The following MAP3K5 variants were observed in gnomAD, a reference collection of about 807,000 sequenced individuals.
The protein encoded by MAP3K5 is mitogen-activated protein kinase kinase kinase 5.
MAP3K5 carries 56 observed loss-of-function variants against 158.7 expected under a neutral mutation model. The ratio of observed to expected loss-of-function variants is 0.35; its 90% CI spans 0.28 to 0.44. The LOEUF (loss-of-function observed/expected upper bound fraction) is 0.44, where lower values mean the gene tolerates loss of function less well. Ranked by LOEUF, MAP3K5 falls within the 20% of genes least tolerant of loss-of-function variation. The pLI is 1.00. For missense variants in MAP3K5, 1,294 were observed against 1,674.8 expected, an observed-to-expected ratio of 0.77 and a Z score of 3.97; for synonymous variants, 579 against 601.7, an observed-to-expected ratio of 0.96 and a Z score of 0.55.
chr6:136,668,981 T>C (rs1169664899), intron 8 of MAP3K5, among the ~76,000 whole-genome samples: 1 of 152,202 alleles, frequency 6.6e-6, no homozygotes, highest in Non-Finnish European at 1.5e-5. Context: ...ACAGTAACCT[T>C]ATTTAGGAGT....
intron 11 of MAP3K5, among the ~76,000 whole-genome samples, chr6:136,644,324 A>G (rs1283736933): frequency 6.6e-6 from 1 of 152,212 alleles, no homozygotes; most frequent in East Asian, 1.9e-4. Flanking sequence ...CCTGTAGGAC[A>G]CACCACAAGG....
At chr6:136,683,360 C>T (rs1044605994) in intron 7 of MAP3K5, among the ~76,000 whole-genome samples, 3 of 152,206 alleles carry the variant, frequency 2.0e-5, no homozygotes, top group Admixed American at 1.3e-4. Context: ...CAGTTCCCCT[C>T]GACACTGGTG....
intron 1 of MAP3K5, among the ~76,000 whole-genome samples, chr6:136,764,666 A>G (rs146499252): frequency 6.6e-6 from 1 of 152,348 alleles, no homozygotes; most frequent in Non-Finnish European, 1.5e-5. Context: ...TTATGCCGCA[A>G]CAGAAAAATG....
At chr6:136,685,420 G>C (rs1442763231) in intron 7 of MAP3K5, among the ~76,000 whole-genome samples, 1 of 152,112 alleles carries the variant, frequency 6.6e-6, no homozygotes, top group Non-Finnish European at 1.5e-5. Context: ...TCACATTAGA[G>C]ACTCTCTGTA....
At chr6:136,637,447 A>G (rs765953664) in intron 13 of MAP3K5, 41 bp from the exon 14 acceptor site, 11 of 1,125,408 alleles carry the variant, frequency 9.8e-6, no homozygotes, top group African/African-American at 1.5e-5. Context: ...TAACACAAAC[A>G]ATAGTAAATA....
At chr6:136,694,992 G>GAAATGTC (rs1399903244) in intron 6 of MAP3K5, among the ~76,000 whole-genome samples, 9 of 152,112 alleles carry the variant, frequency 5.9e-5, no homozygotes, top group Non-Finnish European at 8.8e-5. Context: ...TCCAGAATAG[G>GAAATGTC]CAAATCTGTA....
chr6:136,766,111 T>G (rs1323351686), intron 1 of MAP3K5, among the ~76,000 whole-genome samples: 3 of 152,156 alleles, frequency 2.0e-5, no homozygotes, highest in Admixed American at 6.5e-5. Context: ...TGGTACAGCA[T>G]AAAACCATGG....
At chr6:136,599,848 T>C (rs1775798221) in intron 21 of MAP3K5, among the ~76,000 whole-genome samples, 3 of 152,128 alleles carry the variant, frequency 2.0e-5, no homozygotes, top group Non-Finnish European at 2.9e-5. Context: ...GGTCAGAAGG[T>C]TGCCAAGCAC....
chr6:136,686,895 A>G (rs1471305483), intron 7 of MAP3K5, among the ~76,000 whole-genome samples: 1 of 152,220 alleles, frequency 6.6e-6, no homozygotes, highest in East Asian at 1.9e-4. Context: ...GCTACCATTG[A>G]CATTCTTCAC....
intron 1 of MAP3K5, among the ~76,000 whole-genome samples, chr6:136,743,929 C>T (rs1782822614): frequency 6.6e-6 from 1 of 152,156 alleles, no homozygotes; most frequent in Middle Eastern, 3.4e-3. Flanking sequence ...GTGAAAGAAG[C>T]CAGTATGAAA....
Position 136,714,601 on chromosome 6 carries a change from T to A in MAP3K5, c.588+5849A>T, listed in dbSNP as rs533171659. ...ATACCACATGTTGTTCAGCCAATGATCTGTTGATAAATATGTGGGTTGCTT... is the reference window on the plus strand; with the variant it reads ...ATACCACATGTTGTTCAGCCAATGAACTGTTGATAAATATGTGGGTTGCTT... On this transcript the variant is annotated intron_variant, in intron 2 of 29. Coordinates refer to ENST00000359015, the MANE Select transcript of MAP3K5 (RefSeq NM_005923.4). Among the ~76,000 whole-genome samples, 453 of 152,252 alleles carry A rather than the reference T, an allele frequency of 3.0e-3. 5 individuals carry two copies. The highest frequency in any genetic ancestry group is 0.01 in the African/African-American group (429 of 41,560).
intron 2 of MAP3K5, among the ~76,000 whole-genome samples, chr6:136,716,059 A>AAAAAAAAAAAAAAAAT (rs1781512369): frequency 6.9e-6 from 1 of 144,250 alleles, no homozygotes; most frequent in Non-Finnish European, 1.5e-5. Flanking sequence ...AAAAAAAAAA[A>AAAAAAAAAAAAAAAAT]AAAAAAATTA....
intron 25 of MAP3K5, among the ~76,000 whole-genome samples, chr6:136,578,510 C>T (rs1774720164): frequency 6.6e-6 from 1 of 151,832 alleles, no homozygotes; most frequent in Non-Finnish European, 1.5e-5. Flanking sequence ...TGTGGCATCA[C>T]AAATAGGTGA....
intron 29 of MAP3K5, 107 bp downstream of exon 29, chr6:136,558,693 G>C: frequency 1.4e-6 from 1 of 730,526 alleles, no homozygotes; most frequent in South Asian, 1.7e-5. Context: ...AGAGAGCTCT[G>C]TCCAGAACTA....
At chr6:136,695,431 G>A (rs532141761) in intron 6 of MAP3K5, among the ~76,000 whole-genome samples, 298 of 152,236 alleles carry the variant, frequency 2.0e-3, no homozygotes, top group Non-Finnish European at 3.6e-3. Flanking sequence ...GAGCCACCAC[G>A]CCCAGCCTGT....
At position 136,594,955 on chromosome 6, in the gene MAP3K5, G is replaced by A. The variant is rs78046980; in HGVS notation, c.2879-2341C>T. On this transcript the variant is annotated intron_variant, in intron 21 of 29. Coordinates refer to ENST00000359015, the MANE Select transcript of MAP3K5 (RefSeq NM_005923.4). ...TTGTGTCACGCCTGTGAATTTTAAC[G>A]TTGCTGTGACTACCGACTGCCTAAA... is the stretch of plus-strand genomic sequence containing the variant. Among the ~76,000 whole-genome samples, 681 of 152,168 alleles carry A rather than the reference G, an allele frequency of 4.5e-3. 9 individuals carry two copies. Among genetic ancestry groups the A allele is most frequent in the African/African-American group, 0.015 (604 of 41,512 alleles).
intron 2 of MAP3K5, among the ~76,000 whole-genome samples, chr6:136,717,743 A>C (rs1173266114): frequency 6.6e-6 from 1 of 152,228 alleles, no homozygotes; most frequent in East Asian, 1.9e-4. Flanking sequence ...TCGGTAGCAT[A>C]GGACCTGAGG....
intron 3 of MAP3K5, among the ~76,000 whole-genome samples, chr6:136,700,211 A>G (rs542879066): frequency 3.9e-5 from 6 of 152,228 alleles, no homozygotes; most frequent in Admixed American, 3.9e-4. Flanking sequence ...AAAATACACA[A>G]TCAAAACTGT....
rs1338382519 is a variant in MAP3K5, at chr6:136,792,305, C to T, written c.-148G>A. 9.5e-7 allele frequency: 1 copy of T among 1,048,296 alleles called. No individual in the cohort carries two copies. Among genetic ancestry groups the T allele is most frequent in the Non-Finnish European group, 1.1e-6 (1 of 877,114 alleles). 64.9% of individuals were successfully genotyped at this position (1,048,296 alleles called of 1,614,324 possible). A position where few individuals can be genotyped will look rare whatever the true frequency, so the allele number is the denominator to read the frequency against. On this transcript the variant is annotated 5_prime_UTR_variant, in exon 1 of 30. Coordinates refer to ENST00000359015, the MANE Select transcript of MAP3K5 (RefSeq NM_005923.4). The surrounding 1 kb of genome is among the most constrained non-coding windows in gnomAD (Gnocchi z 5.7). ...CGCCGCCGCGCCGCCGCCTCCTCTC[C>T]GGCGCCCTCTCCCCCGAGGGCACGC... is the stretch of plus-strand genomic sequence containing the variant.
Sources: gnomAD v4.1 joint callset for allele counts (sites outside exome capture counted in the v4.1 genomes callset) on GRCh38, gnomAD v4.1.1 for gene constraint, Gnocchi (gnomAD v3.1) non-coding constraint, MANE v1.5 for transcripts, NCBI Gene and HGNC (gene_info 2026-07-23, HGNC 2026-07-21) for gene names.